Variants in CROT observed in about 807,000 individuals in gnomAD.
CROT encodes the protein carnitine O-octanoyltransferase, also known as peroxisomal carnitine O-octanoyltransferase.
CROT carries 84 observed loss-of-function variants against 89.2 expected under a neutral mutation model. The ratio of observed to expected loss-of-function variants is 0.94; its 90% CI spans 0.79 to 1.13. CROT has a LOEUF of 1.13. Among genes scored for constraint, CROT ranks in the 50% most tolerant of loss-of-function variants. CROT has a pLI of 0.00. For synonymous variants in CROT, 212 were observed against 239.5 expected (o/e 0.89, Z 1.06); for missense variants, 711 against 727.8 (o/e 0.98, Z 0.27).
intron 17 of CROT, among the ~76,000 whole-genome samples, chr7:87,393,520 AGT>A (rs1807434464): frequency 6.6e-6 from 1 of 152,204 alleles, no homozygotes; most frequent in African/African-American, 2.4e-5. Context: ...GGCTGTGTGG[AGT>A]TTGACTTATG....
At position 87,394,164 on chromosome 7, in the gene CROT, G is replaced by A. The variant is rs1044483080; in HGVS notation, c.1718+1097G>A. ...ATCATAATTGCATTAAATTAACTGTGGTACACACTGTACTACTATAATAAT... is the reference window on the plus strand; with the variant it reads ...ATCATAATTGCATTAAATTAACTGTAGTACACACTGTACTACTATAATAAT... On this transcript the variant is annotated intron_variant, in intron 17 of 17. Transcript: ENST00000331536. 2.6e-5 allele frequency among the ~76,000 whole-genome samples: 4 copies of A among 152,224 alleles called. No homozygotes were observed. The East Asian group carries it at 7.7e-4, about 29-fold the overall frequency.
chr7:87,362,305 T>C (rs1313067901), intron 6 of CROT, among the ~76,000 whole-genome samples: 1 of 86,858 alleles, frequency 1.2e-5, no homozygotes, highest in East Asian at 2.2e-4. Context: ...TCACTCTTCC[T>C]TTTTTTTTTT....
At chr7:87,366,158 T>G (rs1806440067) in intron 6 of CROT, among the ~76,000 whole-genome samples, 2 of 152,280 alleles carry the variant, frequency 1.3e-5, no homozygotes, top group South Asian at 4.1e-4. Flanking sequence ...ATCCATTATA[T>G]CCTCAACCTT....
chr7:87,371,230 TC>T (rs1474219729), intron 7 of CROT, among the ~76,000 whole-genome samples: 6 of 152,224 alleles, frequency 3.9e-5, no homozygotes, highest in Non-Finnish European at 7.3e-5. Flanking sequence ...TTTATAGTCT[TC>T]CTAGAGTTAA....
At position 87,382,123 on chromosome 7, in the gene CROT, T is replaced by C. The variant is rs142045879; in HGVS notation, c.1112T>C (p.Ile371Thr). ...CCACTTCCAGAAGAGCTCATTTTCA[T>C]TGTGGATGAGAAAGTTTTAAATGAC... Reference protein sequence around the residue: ...DIPLPEELIFIVDEKVLNDIN... With the variant: ...DIPLPEELIFTVDEKVLNDIN... Residue 371 changes from isoleucine (I) to threonine (T), a missense_variant, in exon 12 of 18, where the codon ATT (isoleucine) becomes ACT (threonine). Transcript: ENST00000331536. 4.0e-5 allele frequency: 64 copies of C among 1,613,576 alleles called. No individual in the cohort carries two copies. In the African/African-American group the frequency reaches 6.9e-4, roughly 18 times the overall value.
At chr7:87,381,546 T>C (rs1807004349) in intron 10 of CROT, among the ~76,000 whole-genome samples, 1 of 152,214 alleles carries the variant, frequency 6.6e-6, no homozygotes, top group Non-Finnish European at 1.5e-5. Flanking sequence ...TTTTCCACCC[T>C]GTTCTTACAA....
chr7:87,391,624 A>T lies in CROT; in HGVS notation c.1337A>T (p.His446Leu). The T allele has an allele frequency of 6.2e-7, 1 of 1,606,654 alleles. No homozygotes were observed. The change falls in exon 14 of 18, where the codon CAT (histidine) becomes CTT (leucine). Residue 446 changes from histidine to leucine, a missense_variant. By Grantham distance (99) the His-to-Leu change is moderately conservative. Transcript: ENST00000331536. The stretch of plus-strand genomic sequence containing the variant: ...TGCTATGAAACAGCTATGACAAGAC[A>T]TTTTTATCATGGCCGTACAGAGACT... ...GCCYETAMTR[H>L]FYHGRTETMR...
rs1807637777 is a variant in CROT at position 87,398,703 on chromosome 7, GAGTT to G, written c.*60_*63del. On this transcript the variant is annotated 3_prime_UTR_variant, in exon 18 of 18. Transcript: ENST00000331536. ...TATCATTAAACTGAGTGCTGGGAGT[GAGTT>G]GGTAATATGAGATGGGAAGGAATGT... is the stretch of plus-strand genomic sequence containing the variant. 5 of 1,535,182 alleles carry G rather than the reference GAGTT, an allele frequency of 3.3e-6. No individual in the cohort carries two copies. The South Asian group carries it at 5.9e-5, about 18-fold the overall frequency.
At position 87,381,936 on chromosome 7, in the gene CROT, G is replaced by C. The variant is rs766768261; in HGVS notation, c.1005G>C (p.Met335Ile). The C allele has an allele frequency of 6.2e-7, 1 of 1,610,272 alleles. No homozygotes were observed. The highest frequency in any genetic ancestry group is 2.2e-5 in the East Asian group (1 of 44,706). The change falls in exon 11 of 18, where the codon ATG (methionine) becomes ATC (isoleucine). Residue 335 changes from methionine to isoleucine, a missense_variant. Coordinates refer to ENST00000331536, the MANE Select transcript of CROT (RefSeq NM_021151.4). The stretch of plus-strand genomic sequence containing the variant: ...ATGCTCCTTTTGATGCAATGATTAT[G>C]GTGAACATCAGTTATTATGTGGATG... ...CDHAPFDAMI[M>I]VNISYYVDEK...
At chr7:87,395,015 G>T (rs1359276716) in intron 17 of CROT, among the ~76,000 whole-genome samples, 1 of 152,064 alleles carries the variant, frequency 6.6e-6, no homozygotes, top group Admixed American at 6.6e-5. Context: ...AAGGACATTT[G>T]TTAGTAAGGA....
chr7:87,398,366 T>C (rs202100780), intron 17 of CROT, 158 bp from the exon 18 acceptor site: 10 of 851,612 alleles, frequency 1.2e-5, no homozygotes, highest in South Asian at 7.0e-5. Flanking sequence ...TCTACAGATA[T>C]GGCTTTACCT....
At chr7:87,360,098 G>C (rs1043354896) in intron 4 of CROT, 2 of 957,720 alleles carry the variant, frequency 2.1e-6, no homozygotes, top group African/African-American at 3.5e-5. Context: ...TTTAATTAAA[G>C]AGGGGTAAAG....
At chr7:87,347,516 C>T (rs1805724033) in intron 2 of CROT, among the ~76,000 whole-genome samples, 1 of 152,134 alleles carries the variant, frequency 6.6e-6, no homozygotes, top group Non-Finnish European at 1.5e-5. Flanking sequence ...TAGGTACAAA[C>T]CCATTTTTAT....
chr7:87,355,679 T>C (rs955579720), intron 3 of CROT, among the ~76,000 whole-genome samples: 27 of 151,834 alleles, frequency 1.8e-4, no homozygotes, highest in Non-Finnish European at 3.7e-4. Context: ...AGACAGCAAA[T>C]AACAGCCGAT....
intron 2 of CROT, among the ~76,000 whole-genome samples, chr7:87,348,125 T>C (rs1805750015): frequency 6.6e-6 from 1 of 152,144 alleles, no homozygotes; most frequent in Non-Finnish European, 1.5e-5. Flanking sequence ...TTTGAGAGAA[T>C]AGGAAGTTCA....
intron 2 of CROT, among the ~76,000 whole-genome samples, chr7:87,346,730 A>G (rs76493918): frequency 0.051 from 7,715 of 152,316 alleles, 467 homozygotes; most frequent in African/African-American, 0.14. Context: ...GCACAGAGGT[A>G]AACAGAATAG....
chr7:87,373,839 T>C (rs1448998926), intron 7 of CROT, among the ~76,000 whole-genome samples: 2 of 152,058 alleles, frequency 1.3e-5, no homozygotes, highest in Non-Finnish European at 2.9e-5. Flanking sequence ...GAACAAATGG[T>C]CAATGAAAAA....
chr7:87,349,120 G>C lies in CROT; in HGVS notation c.52G>C (p.Asp18His). 1 of 1,607,612 alleles carries C rather than the reference G, an allele frequency of 6.2e-7. No individual in the cohort carries two copies. Among genetic ancestry groups the C allele is most frequent in the South Asian group, 1.1e-5 (1 of 90,032 alleles). Residue 18 changes from aspartate to histidine, a missense_variant, in exon 3 of 18, where the codon GAT becomes CAT. Asp to His is a moderately conservative substitution (Grantham distance 81). Coordinates refer to ENST00000331536, the MANE Select transcript of CROT (RefSeq NM_021151.4). ...TGAAGAACGAACATTTCAGTACCAG[G>C]ATTCTCTTCCATCACTGCCTGTTCC... is the stretch of plus-strand genomic sequence containing the variant. Reference protein sequence around the residue: ...STEERTFQYQDSLPSLPVPSL... With the variant: ...STEERTFQYQHSLPSLPVPSL...
At position 87,381,938 on chromosome 7, in the gene CROT, T is replaced by G; in HGVS notation, c.1007T>G (p.Val336Gly). 1 of 1,610,640 alleles carries G rather than the reference T, an allele frequency of 6.2e-7. No homozygotes were observed. The highest frequency in any genetic ancestry group is 8.5e-7 in the Non-Finnish European group (1 of 1,178,234). The change falls in exon 11 of 18, where the codon GTG (valine) becomes GGG (glycine). Residue 336 changes from valine (V) to glycine (G), a missense_variant. Physicochemically the swap from Val to Gly is moderately radical, Grantham distance 109. Transcript: ENST00000331536. ...DHAPFDAMIM[V>G]NISYYVDEKI... ...GCTCCTTTTGATGCAATGATTATGGTGAACATCAGTTATTATGTGGATGAG... is the reference window on the plus strand; with the variant it reads ...GCTCCTTTTGATGCAATGATTATGGGGAACATCAGTTATTATGTGGATGAG...
Sources: allele counts gnomAD v4.1 joint callset (sites outside exome capture counted in the v4.1 genomes callset), GRCh38; gene constraint gnomAD v4.1.1; transcripts MANE v1.5; gene names NCBI Gene and HGNC (gene_info 2026-07-23, HGNC 2026-07-21).